Variants in OR3A2 observed in about 807,000 individuals in gnomAD.
OR3A2 encodes olfactory receptor family 3 subfamily A member 2.
For missense variants in OR3A2, 318 were observed against 392.8 expected, an observed-to-expected ratio of 0.81 and a Z score of 1.61; for synonymous variants, 126 against 159.3, an observed-to-expected ratio of 0.79 and a Z score of 1.57.
intron 1 of OR3A2, among the ~76,000 whole-genome samples, chr17:3,280,474 G>A (rs1314150156): frequency 6.6e-6 from 1 of 151,924 alleles, no homozygotes; most frequent in Non-Finnish European, 1.5e-5. Context: ...GGGTTTCACC[G>A]TGTTAGCCAG....
At chr17:3,376,760 T>C (rs1254421358) in intron 2 of OR3A2, among the ~76,000 whole-genome samples, 1 of 149,350 alleles carries the variant, frequency 6.7e-6, no homozygotes, top group Non-Finnish European at 1.5e-5. Flanking sequence ...GCCTGCCTTA[T>C]TACAGAGGTC....
intron 3 of OR3A2, among the ~76,000 whole-genome samples, chr17:3,325,864 G>A (rs2049166979): frequency 6.6e-6 from 1 of 152,044 alleles, no homozygotes; most frequent in Non-Finnish European, 1.5e-5. Flanking sequence ...GTGCCATGGT[G>A]GGTTGCTGCA....
chr17:3,338,629 T>C (rs1034301462), intron 2 of OR3A2, among the ~76,000 whole-genome samples: 4 of 152,162 alleles, frequency 2.6e-5, no homozygotes, highest in Non-Finnish European at 4.4e-5. Flanking sequence ...CATTGGTCCA[T>C]ATCTTTGTTT....
intron 3 of OR3A2, among the ~76,000 whole-genome samples, chr17:3,290,360 G>T (rs2048854281): frequency 6.6e-6 from 1 of 151,814 alleles, no homozygotes; most frequent in South Asian, 2.1e-4. Context: ...ACCACGTTTG[G>T]TCCTAACCCC....
intron 2 of OR3A2, among the ~76,000 whole-genome samples, chr17:3,360,806 T>C (rs1370082945): frequency 6.6e-6 from 1 of 151,722 alleles, no homozygotes; most frequent in Non-Finnish European, 1.5e-5. Context: ...TACCATGCTG[T>C]TTTGGTTACT....
intron 2 of OR3A2, among the ~76,000 whole-genome samples, chr17:3,356,418 G>C (rs754042655): frequency 5.9e-5 from 9 of 151,536 alleles, no homozygotes; most frequent in Non-Finnish European, 1.2e-4. Flanking sequence ...GGACAGGTCT[G>C]ATGTTGATGA....
chr17:3,334,944 A>G lies in OR3A2; in HGVS notation c.-85+1089T>C, dbSNP rs1029692869. Among the ~76,000 whole-genome samples the G allele has an allele frequency of 2.2e-4, 33 of 152,208 alleles. 1 individual carries two copies. The highest frequency in any genetic ancestry group is 4.6e-4 in the Non-Finnish European group (31 of 68,028). On this transcript the variant is annotated intron_variant, in intron 3 of 4. Coordinates refer to the OR3A2 transcript ENST00000573491. ...CATATTGCTAAACTCTTCAACAGGA[A>G]GGTGACAGTTTGTCTCCATTAGAAA...
intron 2 of OR3A2, among the ~76,000 whole-genome samples, chr17:3,362,937 C>T (rs930543989): frequency 2.6e-5 from 4 of 151,854 alleles, no homozygotes; most frequent in African/African-American, 9.7e-5. Context: ...TACCTTGGCC[C>T]CTTTTAGCCA....
intron 3 of OR3A2, among the ~76,000 whole-genome samples, chr17:3,332,881 G>A (rs2040673957): frequency 1.3e-5 from 2 of 152,112 alleles, no homozygotes; most frequent in Non-Finnish European, 2.9e-5. Flanking sequence ...CGTCACCTCA[G>A]GACCACTATT....
At chr17:3,347,217 C>G (rs747218959) in intron 2 of OR3A2, among the ~76,000 whole-genome samples, 8 of 142,754 alleles carry the variant, frequency 5.6e-5, no homozygotes, top group African/African-American at 8.0e-5. Context: ...TTTCATATGT[C>G]TGTTTGCCAT....
At chr17:3,289,755 G>C (rs903855781) in intron 3 of OR3A2, among the ~76,000 whole-genome samples, 2 of 152,280 alleles carry the variant, frequency 1.3e-5, no homozygotes, top group South Asian at 4.1e-4. Flanking sequence ...CAAGCGTGTC[G>C]TGAATGAGAG....
intron 2 of OR3A2, among the ~76,000 whole-genome samples, chr17:3,346,081 A>C (rs1161308645): frequency 6.6e-6 from 1 of 152,190 alleles, no homozygotes. Flanking sequence ...AAAATATTTT[A>C]AAATATATTT....
Position 3,364,916 on chromosome 17 carries a change from T to TA in OR3A2, c.-179+18887dup, listed in dbSNP as rs60677788. On this transcript the variant is annotated intron_variant, in intron 2 of 4. Transcript: ENST00000573491. Reference sequence around the variant, plus strand: ...TAAGCAGAACATATAAGCACTAAGGTAAAAAAAAAAAAGCAATTAATTACA... The same window carrying TA: ...TAAGCAGAACATATAAGCACTAAGGTAAAAAAAAAAAAAGCAATTAATTACA... 3.8e-3 allele frequency among the ~76,000 whole-genome samples: 559 copies of TA among 148,552 alleles called. 1 individual carries two copies. Among genetic ancestry groups the TA allele is most frequent in the African/African-American group, 0.01 (419 of 40,610 alleles).
chr17:3,292,695 C>T, intron 3 of OR3A2: 2 of 898,942 alleles, frequency 2.2e-6, no homozygotes, highest in Non-Finnish European at 3.3e-6. Flanking sequence ...CTGCCACGTT[C>T]CCTCTGTACA....
chr17:3,339,575 T>C (rs2049299517), intron 2 of OR3A2, among the ~76,000 whole-genome samples: 1 of 151,588 alleles, frequency 6.6e-6, no homozygotes, highest in African/African-American at 2.4e-5. Flanking sequence ...ATGGATTACA[T>C]TTATTGACTT....
intron 2 of OR3A2, among the ~76,000 whole-genome samples, chr17:3,372,580 G>A (rs574581757): frequency 2.0e-5 from 3 of 152,088 alleles, no homozygotes; most frequent in African/African-American, 7.2e-5. Flanking sequence ...CCGGCACCTC[G>A]GGAGGCCGAG....
intron 3 of OR3A2, among the ~76,000 whole-genome samples, 177 bp downstream of exon 2, chr17:3,335,852 T>C (rs753734571): frequency 1.3e-5 from 2 of 152,200 alleles, no homozygotes; most frequent in African/African-American, 2.4e-5. Context: ...CTCAATCCAA[T>C]TTTTCTTACT....
chr17:3,307,252 T>A (rs200918587), intron 3 of OR3A2, among the ~76,000 whole-genome samples: 333 of 152,318 alleles, frequency 2.2e-3, no homozygotes, highest in Non-Finnish European at 4.0e-3. Context: ...TTCCTTAACA[T>A]TGTGTCAGAA....
chr17:3,297,444 A>G (rs2150624563), intron 3 of OR3A2, among the ~76,000 whole-genome samples: 1 of 147,886 alleles, frequency 6.8e-6, no homozygotes, highest in South Asian at 2.1e-4. Context: ...TATCTGGAAC[A>G]TCCTCTAACT....
Sources: allele counts gnomAD v4.1 joint callset (sites outside exome capture counted in the v4.1 genomes callset), GRCh38; gene constraint gnomAD v4.1.1; transcripts MANE v1.5; gene names NCBI Gene and HGNC (gene_info 2026-07-23, HGNC 2026-07-21).